GATAD1: variants seen among roughly 807,000 people sequenced by gnomAD.
GATAD1 encodes the protein GATA zinc finger domain-containing protein 1.
In GATAD1, 12 loss-of-function variants were observed where a neutral mutation model predicts 26.5. The ratio of observed to expected loss-of-function variants is 0.45; its 90% CI spans 0.29 to 0.73. The LOEUF is 0.73. GATAD1 is among the 30% of genes least tolerant of loss of function. The pLI is 0.10. For missense variants in GATAD1, 266 were observed against 342.1 expected (o/e 0.78, Z 1.75); for synonymous variants, 129 against 133.1 (o/e 0.97, Z 0.21).
At position 92,458,759 on chromosome 7, in the gene GATAD1, T is replaced by C. The variant is rs981466488; in HGVS notation, c.*2197T>C. The C allele has an allele frequency of 1.1e-4, 16 of 152,244 alleles. No homozygotes were observed. Among genetic ancestry groups the C allele is most frequent in the African/African-American group, 3.4e-4 (14 of 41,466 alleles). The allele number at this position is 152,244 out of a possible 1,614,324, so 9.4% of individuals were successfully genotyped here. The stretch of plus-strand genomic sequence containing the variant: ...ATTATCTCTTTATTCACAAAGGGTA[T>C]AGTAAAATTGATTGTAAATAACTTT... On this transcript the variant is annotated 3_prime_UTR_variant, in exon 5 of 5. Coordinates refer to ENST00000287957, the MANE Select transcript of GATAD1 (RefSeq NM_021167.5).
chr7:92,467,249 C>T, the GATAD1 span, among the ~76,000 whole-genome samples: 3 of 151,908 alleles, frequency 2.0e-5, no homozygotes, highest in East Asian at 3.9e-4. Flanking sequence ...AACCCGGAGG[C>T]GGAGGTTGAG....
Position 92,451,711 on chromosome 7 carries a change from T to C in GATAD1, c.435+951T>C, listed in dbSNP as rs769440492. Among the ~76,000 whole-genome samples the C allele has an allele frequency of 5.0e-4, 76 of 152,388 alleles. 1 individual carries two copies. The highest frequency in any genetic ancestry group is 3.4e-3 in the Middle Eastern group (1 of 294). ...TATTTTTCCAACATTTAATACATTGTTAATAAAATATCTAAAGTTTAGCAA... is the reference window on the plus strand; with the variant it reads ...TATTTTTCCAACATTTAATACATTGCTAATAAAATATCTAAAGTTTAGCAA... On this transcript the variant is annotated intron_variant, in intron 3 of 4. Transcript: ENST00000287957.
At chr7:92,478,868 T>C in the GATAD1 span, among the ~76,000 whole-genome samples, 1 of 152,192 alleles carries the variant, frequency 6.6e-6, no homozygotes, top group Non-Finnish European at 1.5e-5. Flanking sequence ...CCAAGTGTCA[T>C]GGCCCCCTCC....
the GATAD1 span, chr7:92,493,078 C>G: frequency 1.2e-6 from 2 of 1,612,862 alleles, no homozygotes; most frequent in Non-Finnish European, 8.5e-7. Flanking sequence ...TCAACATCAT[C>G]TGCCAGAGGT....
At chr7:92,494,449 T>C in the GATAD1 span, 2 of 1,612,266 alleles carry the variant, frequency 1.2e-6, no homozygotes, top group South Asian at 1.1e-5. Context: ...TGATGACATT[T>C]TGTTATAACA....
At chr7:92,450,507 A>G in intron 2 of GATAD1, 194 bp from the exon 3 acceptor site, 1 of 549,578 alleles carries the variant, frequency 1.8e-6, no homozygotes, top group Non-Finnish European at 3.2e-6. Context: ...TTAAGCTAAT[A>G]GTAGCAGAAA....
At chr7:92,489,784 G>T in the GATAD1 span, 3 of 1,614,084 alleles carry the variant, frequency 1.9e-6, no homozygotes, top group Non-Finnish European at 2.5e-6. Context: ...TTGTTCTTGT[G>T]TAAGTTCTTG....
At chr7:92,462,016 A>G (rs75357900), downstream of GATAD1, among the ~76,000 whole-genome samples, 23,099 of 152,232 alleles carry the variant, frequency 0.15, 1,799 homozygotes, top group Non-Finnish European at 0.17. Context: ...GCTGGTGGCC[A>G]ATGTAAATTA....
the GATAD1 span, among the ~76,000 whole-genome samples, chr7:92,477,108 C>A: frequency 6.6e-6 from 1 of 152,172 alleles, no homozygotes; most frequent in Non-Finnish European, 1.5e-5. Context: ...CGGCTACTGC[C>A]GGGAGTTCAG....
chr7:92,452,325 G>A (rs1789472458), intron 3 of GATAD1, among the ~76,000 whole-genome samples: 1 of 152,220 alleles, frequency 6.6e-6, no homozygotes, highest in South Asian at 2.1e-4. Context: ...GTCAAGTAAT[G>A]TTGCAAATGC....
At chr7:92,477,818 C>T in the GATAD1 span, 97 of 175,604 alleles carry the variant, frequency 5.5e-4, no homozygotes, top group Non-Finnish European at 8.5e-4. Context: ...CAGTGGTGGA[C>T]GGTGAGCAAA....
chr7:92,488,717 C>T, the GATAD1 span, among the ~76,000 whole-genome samples: 10 of 151,330 alleles, frequency 6.6e-5, no homozygotes, highest in Non-Finnish European at 8.8e-5. Flanking sequence ...CTTATTTCTT[C>T]GAAGTTACTA....
At position 92,447,502 on chromosome 7, in the gene GATAD1, A is replaced by G. The variant is rs1789193636; in HGVS notation, c.-228A>G. The G allele has an allele frequency of 2.8e-6, 1 of 363,158 alleles. No homozygotes were observed. The highest frequency in any genetic ancestry group is 4.8e-6 in the Non-Finnish European group (1 of 209,730). 22.5% of individuals were successfully genotyped at this position (363,158 alleles called of 1,614,324 possible). A position where few individuals can be genotyped will look rare whatever the true frequency, so the allele number is the denominator to read the frequency against. On this transcript the variant is annotated 5_prime_UTR_variant, in exon 1 of 5. Transcript: ENST00000287957. ...GATCCCTTTCCCAGTCCTGCTTCCC[A>G]GTGCCTCGGGCCAGGGAATCCTGGC... is the stretch of plus-strand genomic sequence containing the variant.
intron 3 of GATAD1, among the ~76,000 whole-genome samples, chr7:92,451,264 T>C (rs953171494): frequency 6.6e-6 from 1 of 152,186 alleles, no homozygotes; most frequent in Non-Finnish European, 1.5e-5. Context: ...AATTCCAAGA[T>C]GTTTTGATAA....
chr7:92,455,255 C>T (rs1400896907), intron 4 of GATAD1, among the ~76,000 whole-genome samples: 1 of 152,132 alleles, frequency 6.6e-6, no homozygotes, highest in Non-Finnish European at 1.5e-5. Context: ...GAGCAATGTG[C>T]ATCTACTAAG....
At position 92,449,076 on chromosome 7, in the gene GATAD1, C is replaced by G. The variant is rs1789304192; in HGVS notation, c.375+199C>G. ...GTTTATAAAGTTAATAATACTCTTTCCTTTTTGTTTTTTAGCTTTTATTTT... is the reference window on the plus strand; with the variant it reads ...GTTTATAAAGTTAATAATACTCTTTGCTTTTTGTTTTTTAGCTTTTATTTT... On this transcript the variant is annotated intron_variant, in intron 2 of 4. Coordinates refer to ENST00000287957, the MANE Select transcript of GATAD1 (RefSeq NM_021167.5). 8 of 1,050,666 alleles carry G rather than the reference C, an allele frequency of 7.6e-6. No individual in the cohort carries two copies. The South Asian group carries it at 2.0e-4, about 27-fold the overall frequency. The allele number at this position is 1,050,666 out of a possible 1,614,324, so 65.1% of individuals were successfully genotyped here.
chr7:92,450,789 G>C (rs1217559162), intron 3 of GATAD1, 29 bp downstream of exon 3: 4 of 1,438,140 alleles, frequency 2.8e-6, no homozygotes, highest in Non-Finnish European at 2.9e-6. Context: ...ACTGAAGGAA[G>C]AGTTGGGCCT....
At chr7:92,491,488 G>A in the GATAD1 span, 10 of 1,607,018 alleles carry the variant, frequency 6.2e-6, no homozygotes, top group Non-Finnish European at 8.5e-6. Context: ...CACTATCAGA[G>A]CTGGAACTTC....
the GATAD1 span, among the ~76,000 whole-genome samples, chr7:92,483,065 C>T: frequency 2.6e-5 from 4 of 152,150 alleles, no homozygotes; most frequent in African/African-American, 4.8e-5. Context: ...GCTGCTAAGC[C>T]GAGAAGATCT....
Sources: allele counts gnomAD v4.1 joint callset (sites outside exome capture counted in the v4.1 genomes callset), GRCh38; gene constraint gnomAD v4.1.1; transcripts MANE v1.5; gene names NCBI Gene and HGNC (gene_info 2026-07-23, HGNC 2026-07-21).